The following SORBS2 variants were observed in gnomAD, a reference collection of about 807,000 sequenced individuals.
The protein encoded by SORBS2 is sorbin and SH3 domain-containing protein 2.
SORBS2 carries 46 observed loss-of-function variants against 97.7 expected under a neutral mutation model. That is an observed-to-expected ratio of 0.47 (90% CI 0.37 to 0.60). The LOEUF is 0.60. Ranked by LOEUF, SORBS2 falls within the 20% of genes least tolerant of loss-of-function variation. SORBS2 has a pLI of 0.00. For synonymous variants in SORBS2, 476 were observed against 473.4 expected (o/e 1.01, Z -0.07); for missense variants, 1,316 against 1,282.3 (o/e 1.03, Z -0.40).
intron 2 of SORBS2, among the ~76,000 whole-genome samples, chr4:185,693,391 AG>A: frequency 6.6e-6 from 1 of 152,180 alleles, no homozygotes; most frequent in Admixed American, 6.5e-5. Context: ...GCTTTGGGAA[AG>A]CTCCTTCAAA....
Position 185,666,110 on chromosome 4 carries a change from AAGGAGGGCACGG to A in SORBS2, c.-45-3880_-45-3869del, listed in dbSNP as rs1158914682. On this transcript the variant is annotated intron_variant, in intron 4 of 20. Coordinates refer to the SORBS2 transcript ENST00000284776. ...GTGGCTCGGTTCAAAGGTACCACGG[AAGGAGGGCACGG>A]AGGAGAAGCTTCTGGTGTGGTTTGT... 5.4e-6 allele frequency: 7 copies of A among 1,289,608 alleles called. No homozygotes were observed. In the African/African-American group the frequency reaches 9.1e-5, roughly 17 times the overall value. The allele number at this position is 1,289,608 out of a possible 1,614,324, so 79.9% of individuals were successfully genotyped here.
At chr4:185,847,109 AC>A (rs1010776146) in intron 1 of SORBS2, among the ~76,000 whole-genome samples, 3 of 152,160 alleles carry the variant, frequency 2.0e-5, no homozygotes, top group Non-Finnish European at 2.9e-5. Context: ...TGTCCCCAAA[AC>A]TTACACTTAT....
At chr4:185,661,530 G>A (rs2097522381), upstream of SORBS2, among the ~76,000 whole-genome samples, 2 of 152,158 alleles carry the variant, frequency 1.3e-5, no homozygotes, top group Admixed American at 1.3e-4. Context: ...TCTATACAAT[G>A]ACAGAACCTT....
At chr4:185,828,679 C>T (rs1354350785) in intron 1 of SORBS2, among the ~76,000 whole-genome samples, 1 of 152,106 alleles carries the variant, frequency 6.6e-6, no homozygotes, top group Non-Finnish European at 1.5e-5. Context: ...CCTAAATGTC[C>T]CAAGTGGCAG....
chr4:185,847,527 G>A (rs2099215264), intron 1 of SORBS2, among the ~76,000 whole-genome samples: 2 of 152,078 alleles, frequency 1.3e-5, no homozygotes, highest in African/African-American at 4.8e-5. Flanking sequence ...GTATCATCCA[G>A]ACATACATCC....
chr4:185,795,970 G>A lies in SORBS2; in HGVS notation c.-337-20604C>T, dbSNP rs146597053. On this transcript the variant is annotated intron_variant, in intron 1 of 20. Coordinates refer to the SORBS2 transcript ENST00000284776. The stretch of plus-strand genomic sequence containing the variant: ...GGTTCTGTCTCCATAATCTCTCCAC[G>A]CCAGCACTTTTCCCCCAGCCCTACT... 1.6e-3 allele frequency among the ~76,000 whole-genome samples: 237 copies of A among 152,234 alleles called. 2 individuals are homozygous for A. Among genetic ancestry groups the A allele is most frequent in the African/African-American group, 5.6e-3 (232 of 41,550 alleles).
At chr4:185,620,007 A>C in intron 8 of SORBS2, 56 bp downstream of exon 20, 1 of 1,063,704 alleles carries the variant, frequency 9.4e-7, no homozygotes, top group Non-Finnish European at 1.5e-6. Context: ...TTTGGCTGGT[A>C]AGTGCTGTAT....
intron 1 of SORBS2, among the ~76,000 whole-genome samples, chr4:185,956,017 G>A (rs1471688117): frequency 7.9e-5 from 12 of 152,186 alleles, no homozygotes; most frequent in Non-Finnish European, 1.8e-4. Flanking sequence ...GCAACGTAAA[G>A]TGTTCCTTTA....
At chr4:185,828,008 A>ACCATCATCATCG (rs2099202888) in intron 1 of SORBS2, among the ~76,000 whole-genome samples, 1 of 141,204 alleles carries the variant, frequency 7.1e-6, no homozygotes, top group African/African-American at 2.7e-5. Flanking sequence ...CATCATCATC[A>ACCATCATCATCG]TCGTCACCAT....
At chr4:185,926,242 G>A (rs2099263614) in intron 1 of SORBS2, among the ~76,000 whole-genome samples, 1 of 152,228 alleles carries the variant, frequency 6.6e-6, no homozygotes, top group Non-Finnish European at 1.5e-5. Flanking sequence ...ATGCCAAGAG[G>A]GCCGTGGTAA....
intron 1 of SORBS2, among the ~76,000 whole-genome samples, chr4:185,825,012 A>G (rs2099198993): frequency 6.6e-6 from 1 of 152,144 alleles, no homozygotes; most frequent in African/African-American, 2.4e-5. Flanking sequence ...ATTTCATTGC[A>G]TCTCCAAATA....
intron 2 of SORBS2, among the ~76,000 whole-genome samples, chr4:185,751,736 T>G (rs1236078507): frequency 6.6e-6 from 1 of 152,124 alleles, no homozygotes; most frequent in Admixed American, 6.6e-5. Flanking sequence ...CAAGGAAAGA[T>G]GCCTGACATT....
intron 3 of SORBS2, among the ~76,000 whole-genome samples, chr4:185,648,440 T>C (rs60888937): frequency 6.7e-6 from 1 of 149,988 alleles, no homozygotes; most frequent in Non-Finnish European, 1.5e-5. Flanking sequence ...TGAGACAAGA[T>C]CACACCATTG....
chr4:185,782,778 TAAG>T (rs1288706244), intron 1 of SORBS2, among the ~76,000 whole-genome samples: 2 of 149,468 alleles, frequency 1.3e-5, no homozygotes, highest in African/African-American at 2.5e-5. Flanking sequence ...ACAGGAGAGA[TAAG>T]GAGAGTTTTG....
chr4:185,932,647 T>C (rs2099267031), intron 1 of SORBS2, among the ~76,000 whole-genome samples: 1 of 152,176 alleles, frequency 6.6e-6, no homozygotes, highest in Non-Finnish European at 1.5e-5. Context: ...TGTCACTGCA[T>C]TGCAGGGCTG....
chr4:185,917,781 G>T (rs1220831567), intron 1 of SORBS2, among the ~76,000 whole-genome samples: 1 of 152,040 alleles, frequency 6.6e-6, no homozygotes, highest in South Asian at 2.1e-4. Context: ...CTGAACTGGG[G>T]GACACCCTAC....
intron 2 of SORBS2, among the ~76,000 whole-genome samples, chr4:185,756,293 A>G (rs1049538546): frequency 2.6e-5 from 4 of 152,206 alleles, no homozygotes; most frequent in African/African-American, 9.6e-5. Context: ...ATCGCATGAA[A>G]AATTTCCCCT....
intron 1 of SORBS2, among the ~76,000 whole-genome samples, chr4:185,888,141 C>A (rs2099240662): frequency 6.6e-6 from 1 of 151,858 alleles, no homozygotes; most frequent in South Asian, 2.1e-4. Flanking sequence ...GTTTTCATTG[C>A]ATTTATCATA....
intron 2 of SORBS2, among the ~76,000 whole-genome samples, chr4:185,767,355 C>A (rs1399326661): frequency 1.4e-5 from 2 of 141,744 alleles, no homozygotes; most frequent in African/African-American, 5.1e-5. Context: ...AAAAAATTAG[C>A]CGGGCGTGGT....
Sources: gnomAD v4.1 joint callset for allele counts (sites outside exome capture counted in the v4.1 genomes callset) on GRCh38, gnomAD v4.1.1 for gene constraint, MANE v1.5 for transcripts, NCBI Gene and HGNC (gene_info 2026-07-23, HGNC 2026-07-21) for gene names.